The following VTI1A variants were observed in gnomAD, a reference collection of about 807,000 sequenced individuals.
VTI1A encodes the protein vesicle transport through interaction with t-SNAREs homolog 1A.
A neutral mutation model predicts 34.9 loss-of-function variants in VTI1A; 22 were observed. The observed-to-expected ratio is 0.63, with a 90% confidence interval of 0.45 to 0.90. VTI1A has a LOEUF of 0.90. Among genes scored for constraint, VTI1A ranks in the 40% least tolerant of loss-of-function variants. The pLI, the probability that VTI1A is intolerant of heterozygous loss-of-function variation, is 0.00. For missense variants in VTI1A, 268 were observed against 275.6 expected (o/e 0.97, Z 0.20); for synonymous variants, 87 against 97.3 (o/e 0.89, Z 0.62).
chr10:112,846,505 G>A, the VTI1A span, among the ~76,000 whole-genome samples: 5 of 152,060 alleles, frequency 3.3e-5, no homozygotes, highest in East Asian at 2.0e-4. Flanking sequence ...GGTGGCTCAC[G>A]CCTGTAATCC....
At position 112,586,869 on chromosome 10, in the gene VTI1A, G is replaced by A. The variant is rs537777114; in HGVS notation, c.427+48539G>A. 5.3e-5 allele frequency among the ~76,000 whole-genome samples: 8 copies of A among 152,220 alleles called. No homozygotes were observed. The South Asian group carries it at 1.2e-3, about 24-fold the overall frequency. On this transcript the variant is annotated intron_variant, in intron 5 of 7. Transcript: ENST00000393077. ...TAGGGTAACCACTGGTGATTTAGTC[G>A]TCTAAAAATGGCCAGTGGTTTTGAG... is the stretch of plus-strand genomic sequence containing the variant.
chr10:112,458,320 A>G (rs1481908518), intron 1 of VTI1A, among the ~76,000 whole-genome samples: 1 of 152,182 alleles, frequency 6.6e-6, no homozygotes, highest in African/African-American at 2.4e-5. Context: ...ATTTTTCTCT[A>G]TCACAAAAAT....
chr10:112,518,580 TCTCTCTC>T, intron 3 of VTI1A, among the ~76,000 whole-genome samples: 1 of 125,930 alleles, frequency 7.9e-6, no homozygotes, highest in Admixed American at 8.1e-5. Flanking sequence ...TCTCTCTCTC[TCTCTCTC>T]TCTATATATA....
At chr10:112,679,843 C>G (rs1848156523) in intron 7 of VTI1A, among the ~76,000 whole-genome samples, 1 of 151,984 alleles carries the variant, frequency 6.6e-6, no homozygotes, top group Non-Finnish European at 1.5e-5. Context: ...CAATGCTTTC[C>G]TGAAACCACA....
chr10:112,476,895 G>A (rs925170116), intron 3 of VTI1A, among the ~76,000 whole-genome samples: 1 of 152,120 alleles, frequency 6.6e-6, no homozygotes, highest in South Asian at 2.1e-4. Context: ...AAATGGGTTA[G>A]GCACTTTTGA....
intron 5 of VTI1A, among the ~76,000 whole-genome samples, chr10:112,653,314 G>C (rs1847106256): frequency 6.6e-6 from 1 of 152,094 alleles, no homozygotes; most frequent in Admixed American, 6.6e-5. Context: ...ATTTTGCTTT[G>C]TATTCCTGTC....
chr10:112,791,976 A>G (rs943678188), intron 7 of VTI1A, among the ~76,000 whole-genome samples: 10 of 152,314 alleles, frequency 6.6e-5, no homozygotes, highest in Middle Eastern at 3.4e-3. Flanking sequence ...GAACCTTTCA[A>G]TTAAAAACTG....
chr10:112,710,126 A>G (rs553009711), intron 7 of VTI1A, among the ~76,000 whole-genome samples: 9 of 150,524 alleles, frequency 6.0e-5, no homozygotes, highest in Non-Finnish European at 7.4e-5. Flanking sequence ...TTGCATTCAC[A>G]TGGAAGGTGC....
chr10:112,608,557 A>G (rs7908689), intron 5 of VTI1A, among the ~76,000 whole-genome samples: 18,122 of 152,174 alleles, frequency 0.12, 1,263 homozygotes, highest in African/African-American at 0.18. Flanking sequence ...AATCACTGGT[A>G]TAATTATTTA....
At chr10:112,706,472 G>A (rs771488091) in intron 7 of VTI1A, among the ~76,000 whole-genome samples, 9 of 152,168 alleles carry the variant, frequency 5.9e-5, no homozygotes, top group Non-Finnish European at 1.2e-4. Context: ...TCAGATGGTG[G>A]AGAGCTCTTA....
chr10:112,710,225 C>T (rs1849364015), intron 7 of VTI1A, among the ~76,000 whole-genome samples: 3 of 142,688 alleles, frequency 2.1e-5, no homozygotes, highest in Admixed American at 6.9e-5. Context: ...TTTTTTTCTC[C>T]GAGATGGAGT....
rs1434113826 is a variant in VTI1A at position 112,487,785 on chromosome 10, T to C, written c.264+23128T>C. Among the ~76,000 whole-genome samples, 5 of 152,274 alleles carry C rather than the reference T, an allele frequency of 3.3e-5. No homozygotes were observed. The East Asian group carries it at 5.8e-4, about 18-fold the overall frequency. ...ATATATCTTTTATAATATATTTACC[T>C]GAAAGGAAGAAAACACTTTTGTCCA... On this transcript the variant is annotated intron_variant, in intron 3 of 7. Coordinates refer to ENST00000393077, the MANE Select transcript of VTI1A (RefSeq NM_145206.4).
chr10:112,791,408 C>A (rs578031552), intron 7 of VTI1A, among the ~76,000 whole-genome samples: 4 of 152,258 alleles, frequency 2.6e-5, no homozygotes, highest in East Asian at 3.9e-4. Flanking sequence ...CACTTTCTCT[C>A]TATATATTCT....
Position 112,646,801 on chromosome 10 carries a change from G to A in VTI1A, c.428-21417G>A, listed in dbSNP as rs11815498. On this transcript the variant is annotated intron_variant, in intron 5 of 7. Transcript: ENST00000393077. ...GCTGGAATTACAGGTGTGAGCCACC[G>A]CGCCCGGCTACCATGTTCTTTTGTT... Among the ~76,000 whole-genome samples, 708 of 152,172 alleles carry A rather than the reference G, an allele frequency of 4.7e-3. 6 individuals are homozygous for A. The highest frequency in any genetic ancestry group is 0.016 in the African/African-American group (678 of 41,518).
intron 3 of VTI1A, among the ~76,000 whole-genome samples, chr10:112,511,410 A>AT (rs1040109177): frequency 6.6e-6 from 1 of 151,718 alleles, no homozygotes; most frequent in African/African-American, 2.4e-5. Context: ...CGCCCAGCTG[A>AT]TTTTTTGTAT....
At chr10:112,755,036 G>A (rs1851231715) in intron 7 of VTI1A, among the ~76,000 whole-genome samples, 1 of 152,034 alleles carries the variant, frequency 6.6e-6, no homozygotes, top group African/African-American at 2.4e-5. Flanking sequence ...GTAGGCAGGA[G>A]TTGAGGCCAG....
At chr10:112,663,118 T>C (rs773488546) in intron 5 of VTI1A, among the ~76,000 whole-genome samples, 1 of 152,226 alleles carries the variant, frequency 6.6e-6, no homozygotes, top group African/African-American at 2.4e-5. Flanking sequence ...TTCCCTCTTA[T>C]TTGGCAAATT....
intron 7 of VTI1A, among the ~76,000 whole-genome samples, chr10:112,694,642 A>G (rs779726915): frequency 9.9e-5 from 15 of 152,234 alleles, no homozygotes; most frequent in Non-Finnish European, 1.5e-4. Context: ...CAAAAAAAAA[A>G]AAATCTTTTT....
At position 112,815,592 on chromosome 10, in the gene VTI1A, C is replaced by T. The variant is rs1853495625; in HGVS notation, c.*209C>T. 4 of 567,574 alleles carry T rather than the reference C, an allele frequency of 7.0e-6. No individual in the cohort carries two copies. In the Admixed American group the frequency reaches 9.2e-5, roughly 13 times the overall value. 35.2% of individuals were successfully genotyped at this position (567,574 alleles called of 1,614,324 possible). A position where few individuals can be genotyped will look rare whatever the true frequency, so the allele number is the denominator to read the frequency against. ...GTTTCCTTTTCGAGGTTTGTCTTCA[C>T]CCAGATTCGTTTTTTAGAGGGGAAG... On this transcript the variant is annotated 3_prime_UTR_variant, in exon 8 of 8. Coordinates refer to ENST00000393077, the MANE Select transcript of VTI1A (RefSeq NM_145206.4).
Sources: gnomAD v4.1 joint callset for allele counts (sites outside exome capture counted in the v4.1 genomes callset) on GRCh38, gnomAD v4.1.1 for gene constraint, MANE v1.5 for transcripts, NCBI Gene and HGNC (gene_info 2026-07-23, HGNC 2026-07-21) for gene names.